The following ATG13 variants were observed in gnomAD, a reference collection of about 807,000 sequenced individuals.
ATG13 encodes the protein autophagy related 13.
Under a neutral mutation model 65.5 loss-of-function variants are expected in ATG13, and 23 were observed. The observed-to-expected ratio is 0.35, with a 90% confidence interval of 0.25 to 0.50. The LOEUF is 0.50. Among genes scored for constraint, ATG13 ranks in the 20% least tolerant of loss-of-function variants. The pLI is 0.98. For missense variants in ATG13, 566 were observed against 677.0 expected, an observed-to-expected ratio of 0.84 and a Z score of 1.82; for synonymous variants, 252 against 245.2, an observed-to-expected ratio of 1.03 and a Z score of -0.26.
intron 7 of ATG13, among the ~76,000 whole-genome samples, chr11:46,655,215 C>A (rs2059788385): frequency 6.6e-6 from 1 of 151,888 alleles, no homozygotes; most frequent in Non-Finnish European, 1.5e-5. Context: ...CTGGCTAACA[C>A]GGCGAAAACC....
intron 2 of ATG13, among the ~76,000 whole-genome samples, chr11:46,632,816 A>T (rs1447185599): frequency 6.6e-6 from 1 of 151,424 alleles, no homozygotes; most frequent in Non-Finnish European, 1.5e-5. Context: ...TCTTTTTAGG[A>T]AAGATAACAT....
intron 10 of ATG13, among the ~76,000 whole-genome samples, chr11:46,658,992 C>A (rs573872771): frequency 1.4e-4 from 22 of 151,994 alleles, no homozygotes; most frequent in Non-Finnish European, 3.1e-4. Flanking sequence ...GAATTCAAGA[C>A]CAGCCTGGGC....
intron 7 of ATG13, among the ~76,000 whole-genome samples, chr11:46,650,756 C>T (rs996449918): frequency 6.6e-6 from 1 of 152,194 alleles, no homozygotes; most frequent in African/African-American, 2.4e-5. Context: ...CAGGCACCCG[C>T]CACCATGCTC....
Sources: allele counts gnomAD v4.1 joint callset (sites outside exome capture counted in the v4.1 genomes callset), GRCh38; gene constraint gnomAD v4.1.1; transcripts MANE v1.5; gene names NCBI Gene and HGNC (gene_info 2026-07-23, HGNC 2026-07-21).